Variants in GCN1 observed in about 807,000 individuals in gnomAD.
GCN1 encodes the protein GCN1 activator of EIF2AK4.
GCN1 carries 90 observed loss-of-function variants against 288.4 expected under a neutral mutation model. The ratio of observed to expected loss-of-function variants is 0.31; its 90% CI spans 0.26 to 0.37. The LOEUF is 0.37. GCN1 is among the 10% of genes least tolerant of loss of function. The pLI, the probability that GCN1 is intolerant of heterozygous loss-of-function variation, is 1.00. For synonymous variants in GCN1, 1,386 were observed against 1,420.2 expected (o/e 0.98, Z 0.54); for missense variants, 2,586 against 3,419.9 (o/e 0.76, Z 6.08).
chr12:120,194,625 G>A, intron 1 of GCN1, 55 bp downstream of exon 1: 1 of 1,488,836 alleles, frequency 6.7e-7, no homozygotes, highest in East Asian at 2.7e-5. Context: ...CCGCCCGACG[G>A]CCACCGTCCG....
chr12:120,167,705 C>T (rs1039392581), intron 16 of GCN1, among the ~76,000 whole-genome samples: 2 of 152,088 alleles, frequency 1.3e-5, no homozygotes, highest in Non-Finnish European at 2.9e-5. Context: ...ACAGTTGTAG[C>T]TCATTAATGG....
intron 16 of GCN1, among the ~76,000 whole-genome samples, chr12:120,165,422 G>C (rs1354214384): frequency 6.6e-6 from 1 of 151,636 alleles, no homozygotes; most frequent in Non-Finnish European, 1.5e-5. Flanking sequence ...CACCTGCCTC[G>C]GTCTCCCAAA....
At chr12:120,132,095 T>G (rs1594257544) in intron 53 of GCN1, 73 bp from the exon 54 acceptor site, 4 of 963,696 alleles carry the variant, frequency 4.2e-6, no homozygotes, top group Non-Finnish European at 4.9e-6. Flanking sequence ...GGCAGGCAGC[T>G]CTAGAGCCCA....
intron 57 of GCN1, among the ~76,000 whole-genome samples, 179 bp downstream of exon 57, chr12:120,129,097 G>C (rs1876722982): frequency 6.6e-6 from 1 of 152,108 alleles, no homozygotes; most frequent in South Asian, 2.1e-4. Context: ...CCAAAGTGCT[G>C]GGATTACAGG....
intron 1 of GCN1, among the ~76,000 whole-genome samples, chr12:120,193,789 C>T (rs902194668): frequency 6.6e-6 from 1 of 152,154 alleles, no homozygotes; most frequent in African/African-American, 2.4e-5. Context: ...ATAACTTGAA[C>T]ATCAGCCACC....
chr12:120,148,154 G>T lies in GCN1; in HGVS notation c.4726+13C>A. 2 of 1,601,170 alleles carry T rather than the reference G, an allele frequency of 1.2e-6. No homozygotes were observed. The highest frequency in any genetic ancestry group is 1.1e-5 in the South Asian group (1 of 89,264). On this transcript the variant is annotated intron_variant, in intron 37 of 57. Transcript: ENST00000300648. Reference sequence around the variant, plus strand: ...GGGAGGTCAGGGCAAGCACCCTCACGGGAAAGGCCTACCCAGGATCTCCGG... The same window carrying T: ...GGGAGGTCAGGGCAAGCACCCTCACTGGAAAGGCCTACCCAGGATCTCCGG...
intron 42 of GCN1, among the ~76,000 whole-genome samples, chr12:120,143,355 G>A (rs1223574113): frequency 1.3e-5 from 2 of 152,184 alleles, no homozygotes; most frequent in Non-Finnish European, 2.9e-5. Flanking sequence ...GGCCAAGGCA[G>A]GCGGATCACC....
At chr12:120,173,943 C>A in intron 13 of GCN1, 117 bp from the exon 14 acceptor site, 1 of 1,044,268 alleles carries the variant, frequency 9.6e-7, no homozygotes, top group Non-Finnish European at 1.5e-6. Flanking sequence ...ATATTTCAGA[C>A]AGCTACGAGC....
intron 26 of GCN1, among the ~76,000 whole-genome samples, 175 bp downstream of exon 26, chr12:120,157,674 C>T (rs1016676483): frequency 5.3e-5 from 8 of 152,236 alleles, no homozygotes; most frequent in African/African-American, 1.7e-4. Context: ...ATGAAAGAAG[C>T]AGTCTGACCC....
intron 14 of GCN1, among the ~76,000 whole-genome samples, chr12:120,170,921 C>A (rs199900631): frequency 6.6e-6 from 1 of 150,678 alleles, no homozygotes; most frequent in Non-Finnish European, 1.5e-5. Context: ...AGCACTTTGG[C>A]AGGCTGAGGC....
chr12:120,169,036 C>T (rs1458572957), intron 15 of GCN1, among the ~76,000 whole-genome samples: 1 of 152,124 alleles, frequency 6.6e-6, no homozygotes, highest in Non-Finnish European at 1.5e-5. Context: ...TGGCTCACGC[C>T]TGTAATCCCA....
Position 120,144,493 on chromosome 12 carries a change from C to T in GCN1, c.5353-45G>A. 1 of 1,590,370 alleles carries T rather than the reference C, an allele frequency of 6.3e-7. No individual in the cohort carries two copies. Among genetic ancestry groups the T allele is most frequent in the Non-Finnish European group, 8.6e-7 (1 of 1,167,310 alleles). ...GTCAGCCAGAGCTGCCACCCCCAGG[C>T]CCCCAGCCCAAAAAACATGGGGCTC... On this transcript the variant is annotated intron_variant, in intron 41 of 57. Transcript: ENST00000300648. The surrounding 1 kb of genome is among the most constrained non-coding windows in gnomAD (Gnocchi z 4.7).
chr12:120,194,506 G>C (rs1289571107), intron 1 of GCN1, among the ~76,000 whole-genome samples, 174 bp downstream of exon 1: 1 of 152,034 alleles, frequency 6.6e-6, no homozygotes, highest in Non-Finnish European at 1.5e-5. Flanking sequence ...TGCGCCGCCC[G>C]GGCCGGGCCA....
rs376231345 is a variant in GCN1, at chr12:120,132,063, A to C, written c.7318-41T>G. On this transcript the variant is annotated intron_variant, in intron 53 of 57. Coordinates refer to ENST00000300648, the MANE Select transcript of GCN1 (RefSeq NM_006836.2). ...AGGGAGTGAGGGGGTGCAGGGAACA[A>C]CACCAGCTGTGTGGGAACCAAGGCA... 2.1e-4 allele frequency: 284 copies of C among 1,325,054 alleles called. 2 individuals carry two copies. Among genetic ancestry groups the C allele is most frequent in the South Asian group, 1.4e-3 (110 of 80,730 alleles). 82.1% of individuals were successfully genotyped at this position (1,325,054 alleles called of 1,614,324 possible). A position where few individuals can be genotyped will look rare whatever the true frequency, so the allele number is the denominator to read the frequency against.
At chr12:120,181,465 CAAAA>C (rs71072594) in intron 5 of GCN1, among the ~76,000 whole-genome samples, 19,986 of 74,114 alleles carry the variant, frequency 0.27, 2,054 homozygotes, top group East Asian at 0.64. Flanking sequence ...ATCTTTGTCT[CAAAA>C]AAAAAAAAAA....
chr12:120,150,135 C>A, intron 34 of GCN1, 92 bp from the exon 35 acceptor site: 2 of 1,291,578 alleles, frequency 1.5e-6, no homozygotes, highest in African/African-American at 1.5e-5. Flanking sequence ...CCTGCCACCT[C>A]CCACCCCTCT....
At chr12:120,135,359 G>T (rs958125504) in intron 51 of GCN1, among the ~76,000 whole-genome samples, 2 of 151,930 alleles carry the variant, frequency 1.3e-5, no homozygotes, top group African/African-American at 4.8e-5. Flanking sequence ...TTTACTTACT[G>T]TTTTTTGTTT....
At chr12:120,132,418 G>C (rs1163733452) in intron 53 of GCN1, among the ~76,000 whole-genome samples, 1 of 152,124 alleles carries the variant, frequency 6.6e-6, no homozygotes, top group Non-Finnish European at 1.5e-5. Context: ...CAGGAGGGGA[G>C]GCACCTGCCC....
chr12:120,142,520 G>A lies in GCN1; in HGVS notation c.5816C>T (p.Ala1939Val). ...CAGGAAACTCACCGTTCTCTTATCT[G>A]CACACGTGCTGGCCAGGAAACCCAG... ...LLLGFLASTC[A>V]DKRTIAARTL... Residue 1939 changes from alanine to valine, a missense_variant, in exon 44 of 58, where the codon GCA (alanine) becomes GTA (valine). By Grantham distance (64) the Ala-to-Val change is moderately conservative (BLOSUM62 0). This residue lies in a region of GCN1 where 437 missense variants were observed against 570.5 expected (regional missense o/e 0.77). Transcript: ENST00000300648. The surrounding 1 kb of genome is among the most constrained non-coding windows in gnomAD (Gnocchi z 4.9). The A allele has an allele frequency of 6.2e-7, 1 of 1,613,434 alleles. No homozygotes were observed. The highest frequency in any genetic ancestry group is 8.5e-7 in the Non-Finnish European group (1 of 1,179,544).
Sources: gnomAD v4.1 joint callset for allele counts (sites outside exome capture counted in the v4.1 genomes callset) on GRCh38, gnomAD v4.1.1 for gene constraint, gnomAD v4.1.1 regional missense constraint, Gnocchi (gnomAD v3.1) non-coding constraint, MANE v1.5 for transcripts, NCBI Gene and HGNC (gene_info 2026-07-23, HGNC 2026-07-21) for gene names.